Variants in POLR1C observed in about 807,000 individuals in gnomAD.
The protein encoded by POLR1C is DNA-directed RNA polymerases I and III subunit RPAC1.
Under a neutral mutation model 38.3 loss-of-function variants are expected in POLR1C, and 42 were observed. The ratio of observed to expected loss-of-function variants is 1.10; its 90% CI spans 0.86 to 1.42. The LOEUF (loss-of-function observed/expected upper bound fraction) is 1.42. Among genes scored for constraint, POLR1C ranks in the 40% most tolerant of loss-of-function variants. POLR1C has a pLI of 0.00. For missense variants in POLR1C, 507 were observed against 450.5 expected (o/e 1.13, Z -1.14); for synonymous variants, 163 against 163.9 (o/e 0.99, Z 0.04).
intron 9 of POLR1C, chr6:43,548,512 G>T (rs1462500444): frequency 7.0e-7 from 1 of 1,423,870 alleles, no homozygotes; most frequent in African/African-American, 1.4e-5. Context: ...TGATTTTCAA[G>T]GAGAGGTGGC....
intron 8 of POLR1C, chr6:43,528,086 G>A: frequency 6.9e-7 from 1 of 1,446,068 alleles, no homozygotes; most frequent in Non-Finnish European, 9.5e-7. Flanking sequence ...CAGAATCCCT[G>A]CCCGCTTCCT....
At chr6:43,521,596 C>G, downstream of POLR1C, 1 of 553,796 alleles carries the variant, frequency 1.8e-6, no homozygotes, top group Non-Finnish European at 2.8e-6. Flanking sequence ...GCAATCTCAG[C>G]TCACTGCAGC....
chr6:43,539,054 G>C, intron 9 of POLR1C: 1 of 1,525,396 alleles, frequency 6.6e-7, no homozygotes, highest in Non-Finnish European at 9.0e-7. Context: ...ATCGATACCA[G>C]CCATCATGAG....
At position 43,539,526 on chromosome 6, in the gene POLR1C, A is replaced by T; in HGVS notation, c.*4+10167A>T. 4 of 1,517,934 alleles carry T rather than the reference A, an allele frequency of 2.6e-6. No individual in the cohort carries two copies. The South Asian group carries it at 3.4e-5, about 13-fold the overall frequency. The allele number at this position is 1,517,934 out of a possible 1,614,324, so 94.0% of individuals were successfully genotyped here. On this transcript the variant is annotated intron_variant, in intron 9 of 10. Coordinates refer to the POLR1C transcript ENST00000607635. ...CGGCCCAGCTTGGTGACGGGCATCC[A>T]CTCCTTATCTTTGGCCTTGCCTCCG...
At chr6:43,529,909 CAAAAAAAAAA>C (rs1191727799), downstream of POLR1C, among the ~76,000 whole-genome samples, 1 of 97,562 alleles carries the variant, frequency 1.0e-5, no homozygotes, top group Non-Finnish European at 2.1e-5. Context: ...GACCCTGTCT[CAAAAAAAAAA>C]AAAAAAAAGT....
In POLR1C at chr6:43,553,580, C is replaced by G. The variant is rs890280705; in HGVS notation, c.*48+2569C>G. The G allele has an allele frequency of 7.3e-6, 11 of 1,499,978 alleles. No individual in the cohort carries two copies. In the East Asian group the frequency reaches 7.5e-5, roughly 10 times the overall value. The allele number at this position is 1,499,978 out of a possible 1,614,324, so 92.9% of individuals were successfully genotyped here. A position where few individuals can be genotyped will look rare whatever the true frequency, so the allele number is the denominator to read the frequency against. On this transcript the variant is annotated intron_variant, in intron 10 of 10. Coordinates refer to the POLR1C transcript ENST00000607635. ...CAGCATTGAAAGATCGCAGAAGACA[C>G]AGAGAGACAATGGAGCCTTAGAGAA...
chr6:43,524,333 C>G (rs1449403532), downstream of POLR1C: 1 of 1,156,002 alleles, frequency 8.7e-7, no homozygotes, highest in Non-Finnish European at 1.2e-6. Flanking sequence ...GCCTGGGCAA[C>G]AAGAGTGAAA....
At chr6:43,531,436 A>G (rs201255963), downstream of POLR1C, 838 of 1,556,162 alleles carry the variant, frequency 5.4e-4, 3 homozygotes, top group African/African-American at 0.01. Flanking sequence ...TATACAATAC[A>G]TATCGAGGAA....
chr6:43,554,561 A>G (rs2127737019), intron 10 of POLR1C, among the ~76,000 whole-genome samples: 1 of 151,360 alleles, frequency 6.6e-6, no homozygotes, highest in South Asian at 2.1e-4. Flanking sequence ...AGTAGCTAGG[A>G]TTAAAGGGGC....
chr6:43,536,824 A>C (rs1381475025), intron 9 of POLR1C, among the ~76,000 whole-genome samples: 1 of 151,242 alleles, frequency 6.6e-6, no homozygotes, highest in Admixed American at 6.6e-5. Context: ...AAACACCTGA[A>C]AATTTTTTCT....
chr6:43,549,748 G>T, intron 9 of POLR1C: 2 of 1,122,406 alleles, frequency 1.8e-6, no homozygotes, highest in Non-Finnish European at 2.6e-6. Context: ...TTTCTTGTAT[G>T]CCCTATAGTG....
In POLR1C at chr6:43,521,271, G is replaced by A. The variant is rs897110459; in HGVS notation, c.1012G>A (p.Asp338Asn). 6.2e-7 allele frequency: 1 copy of A among 1,612,604 alleles called. No individual in the cohort carries two copies. ...VLMGKCRRFL[D>N]ELDAVQMD ...GATGGGGAAGTGCCGGCGCTTCTTG[G>A]ATGAACTAGATGCGGTTCAGATGGA... The change falls in exon 9 of 9, where the codon GAT becomes AAT. Residue 338 changes from aspartate to asparagine, a missense_variant. Physicochemically the swap from Asp to Asn is conservative, Grantham distance 23 (BLOSUM62 1). Transcript: ENST00000642195.
chr6:43,518,093 A>T (rs146731251), intron 2 of POLR1C, among the ~76,000 whole-genome samples: 243 of 152,224 alleles, frequency 1.6e-3, no homozygotes, highest in African/African-American at 5.5e-3. Flanking sequence ...CATGAGTGGT[A>T]GGCAAGGTTG....
intron 9 of POLR1C, chr6:43,547,217 G>C: frequency 2.7e-6 from 1 of 366,054 alleles, no homozygotes; most frequent in South Asian, 2.3e-5. Context: ...CAGGAACAAT[G>C]CTTATTTAAA....
At chr6:43,530,949 A>G (rs1038263314), downstream of POLR1C, 10 of 1,204,336 alleles carry the variant, frequency 8.3e-6, no homozygotes, top group Non-Finnish European at 1.1e-5. Flanking sequence ...AGTTGTATTT[A>G]CTTAAGAGAA....
intron 9 of POLR1C, among the ~76,000 whole-genome samples, chr6:43,536,016 C>T (rs556379587): frequency 2.8e-5 from 4 of 144,856 alleles, no homozygotes; most frequent in East Asian, 2.1e-4. Context: ...CCAGCTTCTC[C>T]GGAGGCTGAG....
chr6:43,524,090 C>G, downstream of POLR1C: 1 of 1,526,300 alleles, frequency 6.6e-7, no homozygotes, highest in Non-Finnish European at 8.8e-7. Flanking sequence ...GTGGCTCGCG[C>G]CTGTAATCCC....
At chr6:43,518,487 TGAAATGAGATCA>T (rs1421178532) in intron 2 of POLR1C, among the ~76,000 whole-genome samples, 1 of 152,168 alleles carries the variant, frequency 6.6e-6, no homozygotes, top group Non-Finnish European at 1.5e-5. Flanking sequence ...ACTGCATGCT[TGAAATGAGATCA>T]GAAGTGAGAT....
At chr6:43,521,988 AC>A (rs1451521592), downstream of POLR1C, among the ~76,000 whole-genome samples, 2 of 152,192 alleles carry the variant, frequency 1.3e-5, no homozygotes, top group African/African-American at 4.8e-5. Flanking sequence ...GCACAGCCAA[AC>A]CCTAGAAAAA....
Sources: allele counts gnomAD v4.1 joint callset (sites outside exome capture counted in the v4.1 genomes callset), GRCh38; gene constraint gnomAD v4.1.1; transcripts MANE v1.5; gene names NCBI Gene and HGNC (gene_info 2026-07-23, HGNC 2026-07-21).